TCF12: variants seen among roughly 807,000 people sequenced by gnomAD.
The protein encoded by TCF12 is DNA-binding protein HTF4.
A neutral mutation model predicts 86.0 loss-of-function variants in TCF12; 45 were observed. That is an observed-to-expected ratio of 0.52 (90% confidence interval 0.41 to 0.67). TCF12 has a LOEUF of 0.67. Ranked by LOEUF, TCF12 falls within the 30% of genes least tolerant of loss-of-function variation. The pLI, the probability that TCF12 is intolerant of heterozygous loss-of-function variation, is 0.00. For synonymous variants in TCF12, 330 were observed against 299.6 expected (o/e 1.10, Z -1.05); for missense variants, 881 against 859.9 (o/e 1.02, Z -0.31).
At chr15:57,001,611 A>C (rs2064040035) in intron 3 of TCF12, among the ~76,000 whole-genome samples, 1 of 152,194 alleles carries the variant, frequency 6.6e-6, no homozygotes, top group South Asian at 2.1e-4. Context: ...AAAGCAGAGC[A>C]CCTGTCTAGG....
At chr15:57,021,563 G>A (rs547358218) in intron 3 of TCF12, among the ~76,000 whole-genome samples, 45 of 152,166 alleles carry the variant, frequency 3.0e-4, no homozygotes, top group Non-Finnish European at 5.9e-4. Context: ...TCTGTCTTAG[G>A]AAAACAGGCT....
intron 4 of TCF12, among the ~76,000 whole-genome samples, chr15:57,072,306 A>G (rs764663200): frequency 6.6e-4 from 100 of 152,332 alleles, no homozygotes; most frequent in Admixed American, 1.8e-3. Flanking sequence ...ATTAAACTTC[A>G]TGTGTTTTAT....
chr15:57,053,232 C>T (rs868557482), intron 3 of TCF12, among the ~76,000 whole-genome samples: 9 of 152,260 alleles, frequency 5.9e-5, no homozygotes, highest in African/African-American at 2.2e-4. Flanking sequence ...TGCCGAGCAG[C>T]TTTTCATATA....
intron 1 of TCF12, chr15:56,919,545 C>G (rs1007556713): frequency 1.3e-4 from 23 of 181,848 alleles, no homozygotes; most frequent in Admixed American, 1.3e-4. Context: ...CCTCGAGACC[C>G]CAGCCGCGGC....
In TCF12 at chr15:57,235,391, C is replaced by T. The variant is rs117242359; in HGVS notation, c.1035+1284C>T. On this transcript the variant is annotated intron_variant, in intron 12 of 20. Coordinates refer to ENST00000333725, the MANE Select transcript of TCF12 (RefSeq NM_207037.2). ...GAGCTCAGAAAGATTAAGCAGCTCGCCCTAGGGGAATCATAAGCTAGCATG... is the reference window on the plus strand; with the variant it reads ...GAGCTCAGAAAGATTAAGCAGCTCGTCCTAGGGGAATCATAAGCTAGCATG... 5.1e-3 allele frequency among the ~76,000 whole-genome samples: 772 copies of T among 152,182 alleles called. 19 individuals carry two copies. In the East Asian group the frequency reaches 0.068, roughly 13 times the overall value.
chr15:57,163,023 A>T (rs1239850832), intron 5 of TCF12, among the ~76,000 whole-genome samples: 1 of 151,852 alleles, frequency 6.6e-6, no homozygotes, highest in African/African-American at 2.4e-5. Flanking sequence ...AAAACACAAA[A>T]ATTTGCCGGG....
intron 16 of TCF12, among the ~76,000 whole-genome samples, chr15:57,258,166 A>G (rs1305544751): frequency 1.3e-5 from 2 of 152,102 alleles, no homozygotes; most frequent in East Asian, 1.9e-4. Context: ...CTGTAATCCC[A>G]GGTACTTGTG....
chr15:57,122,623 T>G (rs2051320552), intron 5 of TCF12, among the ~76,000 whole-genome samples: 1 of 152,252 alleles, frequency 6.6e-6, no homozygotes, highest in African/African-American at 2.4e-5. Flanking sequence ...AATACAATGC[T>G]GTGCTACTAC....
At chr15:56,935,888 C>G (rs1950682132) in intron 3 of TCF12, among the ~76,000 whole-genome samples, 1 of 152,222 alleles carries the variant, frequency 6.6e-6, no homozygotes, top group Middle Eastern at 3.4e-3. Flanking sequence ...GTTTCTTTAT[C>G]CACTAGTTGA....
chr15:57,184,644 A>AC lies in TCF12; in HGVS notation c.391-7510dup, dbSNP rs200188454. 3.7e-3 allele frequency among the ~76,000 whole-genome samples: 568 copies of AC among 152,176 alleles called. 2 individuals are homozygous for AC. The highest frequency in any genetic ancestry group is 0.013 in the African/African-American group (549 of 41,536). The stretch of plus-strand genomic sequence containing the variant: ...TTTAAAGGAAACTTTAAGGTACTTG[A>AC]CCCCTGCCCTTAAGCATGTGGTAAT... On this transcript the variant is annotated intron_variant, in intron 6 of 20. Coordinates refer to ENST00000333725, the MANE Select transcript of TCF12 (RefSeq NM_207037.2).
intron 11 of TCF12, among the ~76,000 whole-genome samples, chr15:57,233,354 T>A (rs1412953504): frequency 2.6e-5 from 4 of 151,622 alleles, no homozygotes; most frequent in African/African-American, 9.7e-5. Flanking sequence ...TTTTTTTTAC[T>A]TTTTGTTGAG....
chr15:57,273,325 C>T, intron 19 of TCF12, 63 bp downstream of exon 19: 1 of 1,511,496 alleles, frequency 6.6e-7, no homozygotes, highest in Non-Finnish European at 9.1e-7. Context: ...TTTCTGTTTA[C>T]AGTTGCTCTT....
intron 3 of TCF12, among the ~76,000 whole-genome samples, chr15:56,973,616 T>C (rs1213511181): frequency 6.6e-6 from 1 of 152,138 alleles, no homozygotes. Context: ...AATAAGTGAT[T>C]CATGCATTGG....
intron 6 of TCF12, among the ~76,000 whole-genome samples, chr15:57,188,097 A>G (rs1658986403): frequency 6.6e-6 from 1 of 152,186 alleles, no homozygotes; most frequent in African/African-American, 2.4e-5. Context: ...TAATAAATAA[A>G]TTTAGTAAAG....
chr15:57,208,380 C>CATTTTTTTTTTTTTTTTTTT (rs1280205003), intron 8 of TCF12, among the ~76,000 whole-genome samples: 1 of 65,616 alleles, frequency 1.5e-5, no homozygotes, highest in African/African-American at 6.7e-5. Flanking sequence ...CAAAAATATC[C>CATTTTTTTTTTTTTTTTTTT]TTTTTTTTTT....
rs577972972 is a variant in TCF12, at chr15:57,092,401, G to A, written c.325+510G>A. Among the ~76,000 whole-genome samples, 3 of 152,212 alleles carry A rather than the reference G, an allele frequency of 2.0e-5. No homozygotes were observed. The South Asian group carries it at 6.2e-4, about 32-fold the overall frequency. ...ATACTAGGACTTTTTTGAAGTTTTGGTTTGAAGAAGTGAAGTTGCACTTTC... is the reference window on the plus strand; with the variant it reads ...ATACTAGGACTTTTTTGAAGTTTTGATTTGAAGAAGTGAAGTTGCACTTTC... On this transcript the variant is annotated intron_variant, in intron 5 of 20. Transcript: ENST00000333725.
At chr15:57,078,108 C>A (rs2070292486) in intron 4 of TCF12, among the ~76,000 whole-genome samples, 1 of 152,124 alleles carries the variant, frequency 6.6e-6, no homozygotes, top group African/African-American at 2.4e-5. Flanking sequence ...CTTATTGACA[C>A]TTTATTTTCC....
At chr15:57,087,768 A>G (rs1333206395) in intron 4 of TCF12, among the ~76,000 whole-genome samples, 1 of 152,204 alleles carries the variant, frequency 6.6e-6, no homozygotes, top group African/African-American at 2.4e-5. Flanking sequence ...CATTTTTATA[A>G]GATGGGAACA....
chr15:57,271,004 A>G (rs1200068633), intron 18 of TCF12, among the ~76,000 whole-genome samples: 1 of 152,184 alleles, frequency 6.6e-6, no homozygotes, highest in African/African-American at 2.4e-5. Context: ...GGTGTCTCCC[A>G]GTCAGGCTAC....
Sources: allele counts gnomAD v4.1 joint callset (sites outside exome capture counted in the v4.1 genomes callset), GRCh38; gene constraint gnomAD v4.1.1; transcripts MANE v1.5; gene names NCBI Gene and HGNC (gene_info 2026-07-23, HGNC 2026-07-21).